CHST9: variants seen among roughly 807,000 people sequenced by gnomAD.
The protein encoded by CHST9 is carbohydrate sulfotransferase 9.
In CHST9, 41 loss-of-function variants were observed where a neutral mutation model predicts 44.4. That is an observed-to-expected ratio of 0.92 (90% confidence interval 0.72 to 1.20). The LOEUF is 1.20. Among genes scored for constraint, CHST9 ranks in the 50% most tolerant of loss-of-function variants. CHST9 has a pLI of 0.00. For missense variants in CHST9, 504 were observed against 516.5 expected, an observed-to-expected ratio of 0.98 and a Z score of 0.23; for synonymous variants, 171 against 178.4, an observed-to-expected ratio of 0.96 and a Z score of 0.33.
intron 2 of CHST9, among the ~76,000 whole-genome samples, chr18:27,115,524 C>T (rs920248109): frequency 1.3e-4 from 20 of 152,014 alleles, no homozygotes; most frequent in South Asian, 6.2e-4. Context: ...TACTTGTTAT[C>T]TTGTTTGTTT....
intron 4 of CHST9, among the ~76,000 whole-genome samples, chr18:27,008,681 C>T (rs897290678): frequency 1.3e-5 from 2 of 151,032 alleles, no homozygotes; most frequent in African/African-American, 4.9e-5. Context: ...AGGAGGCAGT[C>T]GTTCATTCAA....
At chr18:27,144,842 T>C (rs1336740191) in intron 1 of CHST9, among the ~76,000 whole-genome samples, 2 of 152,122 alleles carry the variant, frequency 1.3e-5, no homozygotes, top group African/African-American at 4.8e-5. Context: ...GATGACTCAA[T>C]GGGAGCCCTC....
chr18:27,105,039 T>A (rs947335864), intron 2 of CHST9, among the ~76,000 whole-genome samples: 1 of 152,146 alleles, frequency 6.6e-6, no homozygotes, highest in African/African-American at 2.4e-5. Context: ...TTTTTTCAGG[T>A]TTTCTCCTCT....
At chr18:27,085,284 C>A (rs1394834262) in intron 2 of CHST9, among the ~76,000 whole-genome samples, 1 of 152,066 alleles carries the variant, frequency 6.6e-6, no homozygotes, top group African/African-American at 2.4e-5. Flanking sequence ...CCTAATTAAA[C>A]TAAAGAGCTT....
chr18:27,112,571 T>G (rs906144636), intron 2 of CHST9, among the ~76,000 whole-genome samples: 1 of 131,576 alleles, frequency 7.6e-6, no homozygotes, highest in Middle Eastern at 3.9e-3. Context: ...AGATTAGGGA[T>G]ATTCAACGTG....
chr18:27,162,716 A>G (rs1434246370), intron 1 of CHST9, among the ~76,000 whole-genome samples: 1 of 151,838 alleles, frequency 6.6e-6, no homozygotes, highest in Non-Finnish European at 1.5e-5. Context: ...CATTTGTCTA[A>G]TTTTTTTTCG....
At chr18:27,158,247 C>G (rs2058713714) in intron 1 of CHST9, among the ~76,000 whole-genome samples, 1 of 151,902 alleles carries the variant, frequency 6.6e-6, no homozygotes, top group African/African-American at 2.4e-5. Flanking sequence ...AATGCTATCC[C>G]TCCCCCTTCC....
intron 1 of CHST9, among the ~76,000 whole-genome samples, chr18:27,177,240 C>T (rs1255863937): frequency 3.3e-5 from 5 of 151,598 alleles, no homozygotes; most frequent in Non-Finnish European, 5.9e-5. Flanking sequence ...AAAAAAATTA[C>T]CCTCCTTCTA....
At chr18:27,053,427 G>A (rs78928813) in intron 2 of CHST9, among the ~76,000 whole-genome samples, 7,260 of 149,226 alleles carry the variant, frequency 0.049, 364 homozygotes, top group South Asian at 0.15. Flanking sequence ...AGGAACCACC[G>A]TCTTCTTTCT....
chr18:26,908,485 A>G lies in CHST9; in HGVS notation c.*7774T>C, dbSNP rs1226973654. 1 of 152,180 alleles carries G rather than the reference A, an allele frequency of 6.6e-6. No individual in the cohort carries two copies. The highest frequency in any genetic ancestry group is 2.4e-5 in the African/African-American group (1 of 41,458). 9.4% of individuals were successfully genotyped at this position (152,180 alleles called of 1,614,324 possible). Reference sequence around the variant, plus strand: ...CATTAAAAGGATACCAAAAAATGATAAGGTGATAAAATTTTATGTTATGTG... The same window carrying G: ...CATTAAAAGGATACCAAAAAATGATGAGGTGATAAAATTTTATGTTATGTG... On this transcript the variant is annotated 3_prime_UTR_variant, in exon 6 of 6. Transcript: ENST00000618847.
chr18:27,138,523 AGTC>A, intron 2 of CHST9, among the ~76,000 whole-genome samples: 1 of 152,176 alleles, frequency 6.6e-6, no homozygotes, highest in Middle Eastern at 3.4e-3. Flanking sequence ...AACCTTACTC[AGTC>A]AAGGCACAAG....
At chr18:27,056,380 T>C (rs1285934740) in intron 2 of CHST9, among the ~76,000 whole-genome samples, 3 of 152,194 alleles carry the variant, frequency 2.0e-5, no homozygotes, top group Non-Finnish European at 2.9e-5. Context: ...CAGAGATTTT[T>C]ACCTTTTCTG....
intron 4 of CHST9, among the ~76,000 whole-genome samples, chr18:26,959,211 C>T (rs2056368427): frequency 6.6e-6 from 1 of 152,168 alleles, no homozygotes; most frequent in Non-Finnish European, 1.5e-5. Context: ...AATTAATATC[C>T]AGGAACATAA....
chr18:26,982,036 T>C lies in CHST9; in HGVS notation c.203-37670A>G, dbSNP rs150471623. The stretch of plus-strand genomic sequence containing the variant: ...TAGAAAAGCAAATCTATTATGTTAT[T>C]TTCCCTCCTTAACATCATTCAATGG... On this transcript the variant is annotated intron_variant, in intron 4 of 5. Transcript: ENST00000618847. 1.6e-3 allele frequency among the ~76,000 whole-genome samples: 242 copies of C among 152,290 alleles called. 1 individual carries two copies. The highest frequency in any genetic ancestry group is 5.7e-3 in the African/African-American group (235 of 41,556).
chr18:27,127,618 G>A (rs2058435908), intron 2 of CHST9, among the ~76,000 whole-genome samples: 1 of 152,178 alleles, frequency 6.6e-6, no homozygotes, highest in South Asian at 2.1e-4. Flanking sequence ...GGAAAATATG[G>A]TTGAAAGAAT....
At chr18:26,973,421 GCGTAGAAGGC>G (rs2056578236) in intron 4 of CHST9, among the ~76,000 whole-genome samples, 1 of 152,194 alleles carries the variant, frequency 6.6e-6, no homozygotes, top group Non-Finnish European at 1.5e-5. Flanking sequence ...GCGGAACAGT[GCGTAGAAGGC>G]CCCGGGTTCA....
chr18:27,070,782 G>T (rs1435541656), intron 2 of CHST9, among the ~76,000 whole-genome samples: 2 of 152,184 alleles, frequency 1.3e-5, no homozygotes, highest in Non-Finnish European at 2.9e-5. Context: ...TCTACTGCTG[G>T]TTTGTTCTCA....
At chr18:27,070,927 G>A (rs2057832489) in intron 2 of CHST9, among the ~76,000 whole-genome samples, 1 of 152,162 alleles carries the variant, frequency 6.6e-6, no homozygotes, top group African/African-American at 2.4e-5. Flanking sequence ...GAGGGGACTA[G>A]CCAGACTCTC....
chr18:27,077,537 T>C (rs966449847), intron 2 of CHST9, among the ~76,000 whole-genome samples: 1 of 152,138 alleles, frequency 6.6e-6, no homozygotes, highest in Non-Finnish European at 1.5e-5. Flanking sequence ...AAAGATTCTG[T>C]TTCCTAATAG....
Sources: gnomAD v4.1 joint callset for allele counts (sites outside exome capture counted in the v4.1 genomes callset) on GRCh38, gnomAD v4.1.1 for gene constraint, MANE v1.5 for transcripts, NCBI Gene and HGNC (gene_info 2026-07-23, HGNC 2026-07-21) for gene names.